Variants in PHACTR2 observed in about 807,000 individuals in gnomAD.
PHACTR2 encodes phosphatase and actin regulator 2, also known as chromosome 6 open reading frame 56.
A neutral mutation model predicts 76.0 loss-of-function variants in PHACTR2; 30 were observed. The ratio of observed to expected loss-of-function variants is 0.39; its 90% CI spans 0.30 to 0.54. The LOEUF (loss-of-function observed/expected upper bound fraction) is 0.54, where lower values mean the gene tolerates loss of function less well. Ranked by LOEUF, PHACTR2 falls within the 20% of genes least tolerant of loss-of-function variation. The probability of loss-of-function intolerance (pLI) is 0.61; values close to 1 mark genes in which losing one functional copy is unlikely to be tolerated. For missense variants in PHACTR2, 696 were observed against 781.1 expected (o/e 0.89, Z 1.30); for synonymous variants, 292 against 292.5 (o/e 1.00, Z 0.02).
chr6:143,679,170 C>A lies in PHACTR2; in HGVS notation c.46+961C>A, dbSNP rs1173748549. On this transcript the variant is annotated intron_variant, in intron 1 of 12. Coordinates refer to ENST00000440869, the MANE Select transcript of PHACTR2 (RefSeq NM_001100164.2). This position sits in a 1 kb window ranked among gnomAD's most constrained non-coding sequence, Gnocchi z 4.6. Reference sequence around the variant, plus strand: ...TACAGAGGAAGGTTTTTTAATCTGCCTCAGGATGTCTAGCTAGATAGCATT... The same window carrying A: ...TACAGAGGAAGGTTTTTTAATCTGCATCAGGATGTCTAGCTAGATAGCATT... 1.3e-5 allele frequency among the ~76,000 whole-genome samples: 2 copies of A among 152,108 alleles called. No individual in the cohort carries two copies. The highest frequency in any genetic ancestry group is 2.9e-5 in the Non-Finnish European group (2 of 68,026).
At position 143,647,650 on chromosome 6, in the gene PHACTR2, C is replaced by A. The variant is rs569191431; in HGVS notation, c.13+39328C>A. Among the ~76,000 whole-genome samples the A allele has an allele frequency of 6.6e-6, 1 of 152,214 alleles. No homozygotes were observed. The highest frequency in any genetic ancestry group is 2.1e-4 in the South Asian group (1 of 4,812). Reference sequence around the variant, plus strand: ...TTACGCGGGAGTCAGGGAAGGCCTCCGTGAGGATTTGTTAGCTGAAAGGAA... The same window carrying A: ...TTACGCGGGAGTCAGGGAAGGCCTCAGTGAGGATTTGTTAGCTGAAAGGAA... On this transcript the variant is annotated intron_variant, in intron 1 of 11. Transcript: ENST00000305766. This position sits in a 1 kb window ranked among gnomAD's most constrained non-coding sequence, Gnocchi z 4.2.
rs373863639 is a variant in PHACTR2 at position 143,818,095 on chromosome 6, T to C, written c.1923-5579T>C. Among the ~76,000 whole-genome samples, 1 of 152,202 alleles carries C rather than the reference T, an allele frequency of 6.6e-6. No individual in the cohort carries two copies. The highest frequency in any genetic ancestry group is 2.4e-5 in the African/African-American group (1 of 41,444). ...CATCAAAATATCACTCTGTACCCCA[T>C]AAATATGAACAATTATGTGTCAATT... On this transcript the variant is annotated intron_variant, in intron 12 of 12. Transcript: ENST00000440869. The surrounding 1 kb of genome is among the most constrained non-coding windows in gnomAD (Gnocchi z 4.9).
intron 1 of PHACTR2, among the ~76,000 whole-genome samples, chr6:143,703,111 C>T (rs1285028639): frequency 2.8e-5 from 4 of 143,502 alleles, no homozygotes; most frequent in African/African-American, 1.0e-4. Context: ...GAGTTTGAGA[C>T]CAGCCTGGAC....
In PHACTR2 at chr6:143,795,187, G is replaced by A. The variant is rs1775799156; in HGVS notation, c.1845+6277G>A. On this transcript the variant is annotated intron_variant, in intron 11 of 12. Coordinates refer to ENST00000440869, the MANE Select transcript of PHACTR2 (RefSeq NM_001100164.2). This position sits in a 1 kb window ranked among gnomAD's most constrained non-coding sequence, Gnocchi z 4.8. ...TTAGCACTTTGGGAGGCCAAGGTGG[G>A]AGGGTCACTTGAGGCCAGGAGTTAA... Among the ~76,000 whole-genome samples, 3 of 152,180 alleles carry A rather than the reference G, an allele frequency of 2.0e-5. No individual in the cohort carries two copies. The South Asian group carries it at 6.2e-4, about 32-fold the overall frequency.
At chr6:143,545,057 C>G (rs377273302) in intron 1 of PHACTR2, among the ~76,000 whole-genome samples, 25 of 152,154 alleles carry the variant, frequency 1.6e-4, no homozygotes, top group African/African-American at 6.0e-4. Flanking sequence ...GATTCTCCCA[C>G]CCCAGCCTCC....
In PHACTR2 at chr6:143,553,112, C is replaced by T. The variant is rs953632731; in HGVS notation, c.217+15905C>T. On this transcript the variant is annotated intron_variant, in intron 1 of 11. Coordinates refer to the PHACTR2 transcript ENST00000367584. This position sits in a 1 kb window ranked among gnomAD's most constrained non-coding sequence, Gnocchi z 4.2. The stretch of plus-strand genomic sequence containing the variant: ...CTGAGGGGCTAAAACCCATGCACCA[C>T]TCTTGACCCATCAACAAGGTTCAGC... 6.6e-6 allele frequency among the ~76,000 whole-genome samples: 1 copy of T among 152,210 alleles called. No homozygotes were observed. Among genetic ancestry groups the T allele is most frequent in the African/African-American group, 2.4e-5 (1 of 41,456 alleles).
At chr6:143,792,944 G>A (rs953826014) in intron 11 of PHACTR2, among the ~76,000 whole-genome samples, 1 of 152,194 alleles carries the variant, frequency 6.6e-6, no homozygotes, top group African/African-American at 2.4e-5. Context: ...CAAGCTTCAA[G>A]GAAAGGGGAA....
chr6:143,753,658 A>T lies in PHACTR2; in HGVS notation c.296-96A>T. On this transcript the variant is annotated intron_variant, in intron 3 of 12. Coordinates refer to ENST00000440869, the MANE Select transcript of PHACTR2 (RefSeq NM_001100164.2). This position sits in a 1 kb window ranked among gnomAD's most constrained non-coding sequence, Gnocchi z 4.6. ...GGGTGTATTTGGTTCCCAGGGACTGAAACATGAATCTAAATTTTACAATCC... is the reference window on the plus strand; with the variant it reads ...GGGTGTATTTGGTTCCCAGGGACTGTAACATGAATCTAAATTTTACAATCC... 1 of 829,318 alleles carries T rather than the reference A, an allele frequency of 1.2e-6. No homozygotes were observed. Among genetic ancestry groups the T allele is most frequent in the South Asian group, 1.8e-5 (1 of 54,654 alleles). 51.4% of individuals were successfully genotyped at this position (829,318 alleles called of 1,614,324 possible). A position where few individuals can be genotyped will look rare whatever the true frequency, so the allele number is the denominator to read the frequency against.
In PHACTR2 at chr6:143,813,301, CTG is replaced by C. The variant is rs564014891; in HGVS notation, c.1922+6170_1922+6171del. ...GTGGGAAAGTCAGGATATTGACTAA[CTG>C]TAGCAGCAGTATATTTTATTTAAAA... On this transcript the variant is annotated intron_variant, in intron 12 of 12. Transcript: ENST00000440869. Among the ~76,000 whole-genome samples the C allele has an allele frequency of 2.2e-3, 342 of 152,248 alleles. 2 individuals are homozygous for C. The highest frequency in any genetic ancestry group is 7.9e-3 in the African/African-American group (328 of 41,550).
intron 1 of PHACTR2, chr6:143,555,173 G>T (rs990378229): frequency 2.0e-5 from 3 of 152,104 alleles, no homozygotes; most frequent in Admixed American, 1.3e-4. Context: ...AGTGTGGGAG[G>T]CTTCCTGCTT....
rs1776445165 is a variant in PHACTR2, at chr6:143,822,601, T to G, written c.1923-1073T>G. Among the ~76,000 whole-genome samples the G allele has an allele frequency of 6.6e-6, 1 of 152,136 alleles. No homozygotes were observed. Among genetic ancestry groups the G allele is most frequent in the Admixed American group, 6.5e-5 (1 of 15,288 alleles). On this transcript the variant is annotated intron_variant, in intron 12 of 12. Transcript: ENST00000440869. This position sits in a 1 kb window ranked among gnomAD's most constrained non-coding sequence, Gnocchi z 5.5. ...GCAACAGTGAGGAGCATAGATTTGA[T>G]GGAGAGAGCCTGGGACAGGGAAACC...
rs977819485 is a variant in PHACTR2 at position 143,806,021 on chromosome 6, C to T, written c.1846-1036C>T. On this transcript the variant is annotated intron_variant, in intron 11 of 12. Transcript: ENST00000440869. This position sits in a 1 kb window ranked among gnomAD's most constrained non-coding sequence, Gnocchi z 5.8. ...TGTGACTTATCATTCTTAGTTTTGGCTGAAGAGTCCATTTTGCCTAGAGGT... is the reference window on the plus strand; with the variant it reads ...TGTGACTTATCATTCTTAGTTTTGGTTGAAGAGTCCATTTTGCCTAGAGGT... 1.3e-5 allele frequency among the ~76,000 whole-genome samples: 2 copies of T among 152,176 alleles called. No individual in the cohort carries two copies. Among genetic ancestry groups the T allele is most frequent in the Admixed American group, 6.5e-5 (1 of 15,284 alleles).
At chr6:143,682,469 C>A (rs894274356) in intron 1 of PHACTR2, among the ~76,000 whole-genome samples, 1 of 152,140 alleles carries the variant, frequency 6.6e-6, no homozygotes, top group East Asian at 1.9e-4. Flanking sequence ...CCCACCTGGG[C>A]CTTCCAATAT....
rs553615393 is a variant in PHACTR2, at chr6:143,697,744, A to C, written c.47-14272A>C. Among the ~76,000 whole-genome samples the C allele has an allele frequency of 2.0e-5, 3 of 152,238 alleles. No homozygotes were observed. The highest frequency in any genetic ancestry group is 2.0e-4 in the Admixed American group (3 of 15,284). ...AAAATCTAAAGACCTGCTAAAATAA[A>C]TCATAGCCTAGGCCTTGTAAATTAT... On this transcript the variant is annotated intron_variant, in intron 1 of 12. Transcript: ENST00000440869. This position sits in a 1 kb window ranked among gnomAD's most constrained non-coding sequence, Gnocchi z 4.4.
At position 143,695,740 on chromosome 6, in the gene PHACTR2, G is replaced by T. The variant is rs1396449910; in HGVS notation, c.47-16276G>T. Among the ~76,000 whole-genome samples the T allele has an allele frequency of 6.6e-6, 1 of 152,198 alleles. No homozygotes were observed. Among genetic ancestry groups the T allele is most frequent in the Non-Finnish European group, 1.5e-5 (1 of 68,020 alleles). On this transcript the variant is annotated intron_variant, in intron 1 of 12. Transcript: ENST00000440869. This position sits in a 1 kb window ranked among gnomAD's most constrained non-coding sequence, Gnocchi z 4.4. ...GTCATCTACATTGAATTTATAGGTGGTCTTTACTTAAAATATCTGAAGTTA... is the reference window on the plus strand; with the variant it reads ...GTCATCTACATTGAATTTATAGGTGTTCTTTACTTAAAATATCTGAAGTTA...
rs1776277028 is a variant in PHACTR2, at chr6:143,627,219, A to C, written c.13+18897A>C. Among the ~76,000 whole-genome samples the C allele has an allele frequency of 6.6e-6, 1 of 152,206 alleles. No homozygotes were observed. Among genetic ancestry groups the C allele is most frequent in the Non-Finnish European group, 1.5e-5 (1 of 68,042 alleles). ...GATATTTGGGCTGGGATGTTTGAAG[A>C]ACAGGTTCAAGTTTGCTAGGCAGAG... On this transcript the variant is annotated intron_variant, in intron 1 of 11. Transcript: ENST00000305766. The surrounding 1 kb of genome is among the most constrained non-coding windows in gnomAD (Gnocchi z 4.3).
At chr6:143,607,661 T>G (rs1775898848), upstream of PHACTR2, among the ~76,000 whole-genome samples, 1 of 152,206 alleles carries the variant, frequency 6.6e-6, no homozygotes, top group South Asian at 2.1e-4. Flanking sequence ...TAAAATGGAA[T>G]GGCAATACTC....
In PHACTR2 at chr6:143,751,846, T is replaced by C. The variant is rs1363907084; in HGVS notation, c.296-1908T>C. 2.0e-5 allele frequency among the ~76,000 whole-genome samples: 3 copies of C among 146,408 alleles called. No homozygotes were observed. Among genetic ancestry groups the C allele is most frequent in the Admixed American group, 6.9e-5 (1 of 14,430 alleles). ...CACACTATATCAAGGATTTAACTTA[T>C]TTTAATTCTAAAACAACTTCCTTAA... On this transcript the variant is annotated intron_variant, in intron 3 of 12. Transcript: ENST00000440869. The surrounding 1 kb of genome is among the most constrained non-coding windows in gnomAD (Gnocchi z 5.7).
In PHACTR2 at chr6:143,743,499, A is replaced by T. The variant is rs988584417; in HGVS notation, c.215-5486A>T. Among the ~76,000 whole-genome samples, 1 of 152,210 alleles carries T rather than the reference A, an allele frequency of 6.6e-6. No homozygotes were observed. The highest frequency in any genetic ancestry group is 2.4e-5 in the African/African-American group (1 of 41,456). ...TGTTGGCTTTGTATCTCTGCTGTAC[A>T]TTCTTGGGATGTTTTGGAAGGTTTT... On this transcript the variant is annotated intron_variant, in intron 2 of 12. Coordinates refer to ENST00000440869, the MANE Select transcript of PHACTR2 (RefSeq NM_001100164.2). This position sits in a 1 kb window ranked among gnomAD's most constrained non-coding sequence, Gnocchi z 5.0.
Sources: allele counts gnomAD v4.1 joint callset (sites outside exome capture counted in the v4.1 genomes callset), GRCh38; gene constraint gnomAD v4.1.1; non-coding constraint Gnocchi (gnomAD v3.1); transcripts MANE v1.5; gene names NCBI Gene and HGNC (gene_info 2026-07-23, HGNC 2026-07-21).